Variants in FGF14 observed in about 807,000 individuals in gnomAD.
FGF14 encodes the protein fibroblast growth factor 14.
In FGF14, 5 loss-of-function variants were observed where a neutral mutation model predicts 25.5. The ratio of observed to expected loss-of-function variants is 0.20; its 90% CI spans 0.10 to 0.41. The LOEUF (loss-of-function observed/expected upper bound fraction) is 0.41, where lower values mean the gene tolerates loss of function less well. Among genes scored for constraint, FGF14 ranks in the 10% least tolerant of loss-of-function variants. FGF14 has a pLI of 1.00. For synonymous variants in FGF14, 138 were observed against 118.3 expected (o/e 1.17, Z -1.08); for missense variants, 222 against 320.1 (o/e 0.69, Z 2.34).
At chr13:102,335,332 G>C (rs904253005) in intron 1 of FGF14, among the ~76,000 whole-genome samples, 4 of 152,100 alleles carry the variant, frequency 2.6e-5, no homozygotes, top group African/African-American at 9.7e-5. Context: ...ACCCCTGTTA[G>C]ATTTTGGACC....
At chr13:102,041,595 A>AAAAAAG (rs1175485223) in intron 1 of FGF14, among the ~76,000 whole-genome samples, 2 of 149,850 alleles carry the variant, frequency 1.3e-5, no homozygotes, top group Non-Finnish European at 3.0e-5. Context: ...AAAAAAAAAA[A>AAAAAAG]AGAGAGATTT....
intron 1 of FGF14, among the ~76,000 whole-genome samples, chr13:101,943,576 G>A (rs539825746): frequency 6.6e-6 from 1 of 152,232 alleles, no homozygotes; most frequent in African/African-American, 2.4e-5. Flanking sequence ...AAAAGCTGCT[G>A]TAGAATAAGA....
chr13:101,956,785 AAAAAGT>A (rs1302555190), intron 1 of FGF14, among the ~76,000 whole-genome samples: 3 of 149,734 alleles, frequency 2.0e-5, no homozygotes, highest in African/African-American at 4.9e-5. Context: ...AAAAAAAAAG[AAAAAGT>A]AAAAGTATTT....
chr13:102,101,689 T>A (rs909905015), intron 1 of FGF14, among the ~76,000 whole-genome samples: 1 of 151,946 alleles, frequency 6.6e-6, no homozygotes, highest in Non-Finnish European at 1.5e-5. Context: ...TGCTCAACAT[T>A]CTATCAGTTC....
intron 1 of FGF14, among the ~76,000 whole-genome samples, chr13:101,948,933 C>G (rs2035987904): frequency 6.6e-6 from 1 of 152,024 alleles, no homozygotes; most frequent in South Asian, 2.1e-4. Context: ...GTTCCATACT[C>G]TTAAGCCCAA....
intron 1 of FGF14, among the ~76,000 whole-genome samples, chr13:101,888,853 T>C (rs2046125643): frequency 6.6e-6 from 1 of 152,190 alleles, no homozygotes. Flanking sequence ...GGGAGTATTA[T>C]TAAATGAATT....
intron 3 of FGF14, among the ~76,000 whole-genome samples, chr13:101,790,199 ACTT>A (rs146787394): frequency 0.028 from 4,206 of 151,746 alleles, 96 homozygotes; most frequent in Non-Finnish European, 0.038. Context: ...TAAAATAGTA[ACTT>A]CTTTTTACTC....
Position 101,711,124 on chromosome 13 carries a change from C to T in FGF14, c.*11707G>A, listed in dbSNP as rs2034445446. On this transcript the variant is annotated 3_prime_UTR_variant, in exon 5 of 5. Transcript: ENST00000376143. ...TCTTCCCTAAGCTTAGCTACCTTTG[C>T]AAAGTACATGATATAATTCATTGTG... 6.6e-6 allele frequency: 1 copy of T among 152,220 alleles called. No individual in the cohort carries two copies. Among genetic ancestry groups the T allele is most frequent in the Non-Finnish European group, 1.5e-5 (1 of 68,056 alleles). The allele number at this position is 152,220 out of a possible 1,614,324, so 9.4% of individuals were successfully genotyped here.
chr13:102,313,709 C>T (rs1216109690), intron 1 of FGF14, among the ~76,000 whole-genome samples: 1 of 152,066 alleles, frequency 6.6e-6, no homozygotes, highest in African/African-American at 2.4e-5. Context: ...GCCCCAACCC[C>T]AAAAGAAATA....
intron 1 of FGF14, among the ~76,000 whole-genome samples, chr13:102,376,086 T>C (rs994898199): frequency 6.6e-6 from 1 of 152,160 alleles, no homozygotes; most frequent in Non-Finnish European, 1.5e-5. Flanking sequence ...ACCCTTGATA[T>C]GGTTTGGCTG....
At chr13:102,231,161 A>G (rs750258620) in intron 1 of FGF14, among the ~76,000 whole-genome samples, 8 of 152,194 alleles carry the variant, frequency 5.3e-5, no homozygotes, top group Admixed American at 2.0e-4. Flanking sequence ...TCAGATACAA[A>G]TTTAATATGT....
chr13:101,854,817 A>G (rs796248024), intron 3 of FGF14, among the ~76,000 whole-genome samples: 29 of 152,162 alleles, frequency 1.9e-4, no homozygotes, highest in African/African-American at 6.7e-4. Flanking sequence ...TTGCCTTTGA[A>G]GAGTTAAAAA....
chr13:101,962,451 T>C (rs34692910), intron 1 of FGF14, among the ~76,000 whole-genome samples: 15,928 of 152,182 alleles, frequency 0.1, 963 homozygotes, highest in Admixed American at 0.2. Context: ...AATTTTGATA[T>C]AATATTAGGA....
intron 1 of FGF14, among the ~76,000 whole-genome samples, chr13:102,006,723 ACTT>A (rs2039809942): frequency 9.3e-6 from 1 of 107,296 alleles, no homozygotes; most frequent in Non-Finnish European, 1.8e-5. Flanking sequence ...ACAAAATCTT[ACTT>A]CTTTTTTTTT....
At chr13:101,937,459 CAT>C (rs1472766671) in intron 1 of FGF14, among the ~76,000 whole-genome samples, 13 of 152,150 alleles carry the variant, frequency 8.5e-5, no homozygotes, top group African/African-American at 3.1e-4. Flanking sequence ...AGAGATGAAA[CAT>C]GTGAAGATGC....
At chr13:101,818,838 C>T (rs1430145061) in intron 3 of FGF14, among the ~76,000 whole-genome samples, 1 of 152,102 alleles carries the variant, frequency 6.6e-6, no homozygotes, top group Non-Finnish European at 1.5e-5. Flanking sequence ...GCTAAGCCCA[C>T]CTAAAATGAT....
intron 1 of FGF14, among the ~76,000 whole-genome samples, chr13:101,982,886 G>C (rs2038350710): frequency 6.6e-6 from 1 of 152,134 alleles, no homozygotes; most frequent in Non-Finnish European, 1.5e-5. Context: ...AAACTGGAAA[G>C]AATGTTTTCC....
intron 1 of FGF14, among the ~76,000 whole-genome samples, chr13:102,060,057 C>A (rs148132242): frequency 6.6e-6 from 1 of 151,468 alleles, no homozygotes; most frequent in African/African-American, 2.4e-5. Flanking sequence ...GCATAACATT[C>A]AAAGGTCATG....
chr13:102,254,185 C>T (rs1044833107), intron 1 of FGF14, among the ~76,000 whole-genome samples: 2 of 152,172 alleles, frequency 1.3e-5, no homozygotes, highest in African/African-American at 2.4e-5. Flanking sequence ...AAAAATATAA[C>T]ATGGATAGCA....
Sources: gnomAD v4.1 joint callset for allele counts (sites outside exome capture counted in the v4.1 genomes callset) on GRCh38, gnomAD v4.1.1 for gene constraint, MANE v1.5 for transcripts, NCBI Gene and HGNC (gene_info 2026-07-23, HGNC 2026-07-21) for gene names.